Variants in LIN7A observed in about 807,000 individuals in gnomAD.
LIN7A encodes the protein protein lin-7 homolog A.
Under a neutral mutation model 29.8 loss-of-function variants are expected in LIN7A, and 25 were observed. The observed-to-expected ratio is 0.84, with a 90% CI of 0.61 to 1.17. The LOEUF is 1.17. Among genes scored for constraint, LIN7A ranks in the 50% most tolerant of loss-of-function variants. The pLI is 0.00. For synonymous variants in LIN7A, 118 were observed against 107.5 expected (o/e 1.10, Z -0.60); for missense variants, 239 against 287.0 (o/e 0.83, Z 1.21).
At chr12:80,875,643 A>G (rs1216101599) in intron 2 of LIN7A, among the ~76,000 whole-genome samples, 1 of 152,224 alleles carries the variant, frequency 6.6e-6, no homozygotes, top group South Asian at 2.1e-4. Context: ...TGATAATACA[A>G]GATTTATGAA....
chr12:80,935,833 G>T (rs932191441), intron 1 of LIN7A: 1 of 483,006 alleles, frequency 2.1e-6, no homozygotes, highest in East Asian at 5.7e-5. Flanking sequence ...GTGAACAAGA[G>T]CAAACTTTAA....
intron 5 of LIN7A, among the ~76,000 whole-genome samples, chr12:80,800,625 C>G (rs1379606764): frequency 1.3e-5 from 2 of 151,176 alleles, no homozygotes; most frequent in African/African-American, 2.4e-5. Flanking sequence ...AAGCAGGAAG[C>G]ACCCGACCCT....
At chr12:80,907,055 CTGTGTGTGTGTG>C (rs529376132) in intron 1 of LIN7A, among the ~76,000 whole-genome samples, 9 of 145,396 alleles carry the variant, frequency 6.2e-5, no homozygotes, top group Admixed American at 2.7e-4. Context: ...AGTGCGTGCT[CTGTGTGTGTGTG>C]TGTGTGTGTG....
intron 2 of LIN7A, 58 bp from the exon 3 acceptor site, chr12:80,848,380 T>C: frequency 8.1e-7 from 1 of 1,228,638 alleles, no homozygotes; most frequent in Non-Finnish European, 1.2e-6. Flanking sequence ...ATAATTCTTT[T>C]ATTGCAGAAA....
intron 2 of LIN7A, among the ~76,000 whole-genome samples, chr12:80,868,447 G>C (rs1468070761): frequency 6.6e-6 from 1 of 152,132 alleles, no homozygotes; most frequent in South Asian, 2.1e-4. Context: ...GCATGCCTGT[G>C]GTCCCAGCTA....
In LIN7A at chr12:80,854,844, G is replaced by A. The variant is rs561589560; in HGVS notation, c.202-6522C>T. ...TATTTTAAAGAGATGAAAATATTCA[G>A]AAACTTAATCATGATTTCAGAAGCT... is the stretch of plus-strand genomic sequence containing the variant. On this transcript the variant is annotated intron_variant, in intron 2 of 5. Transcript: ENST00000552864. Among the ~76,000 whole-genome samples the A allele has an allele frequency of 4.6e-5, 7 of 152,070 alleles. No individual in the cohort carries two copies. In the East Asian group the frequency reaches 1.2e-3, roughly 25 times the overall value.
intron 5 of LIN7A, among the ~76,000 whole-genome samples, chr12:80,802,188 T>C (rs1463090696): frequency 1.3e-5 from 2 of 152,136 alleles, no homozygotes; most frequent in African/African-American, 4.8e-5. Context: ...CCACCGCACC[T>C]GGCCGAGTCT....
At chr12:80,932,700 G>A (rs1335620703) in intron 1 of LIN7A, among the ~76,000 whole-genome samples, 1 of 152,212 alleles carries the variant, frequency 6.6e-6, no homozygotes, top group Non-Finnish European at 1.5e-5. Flanking sequence ...AAAATTTGAA[G>A]AGTTATTTTG....
In LIN7A at chr12:80,795,970, A is replaced by G. The variant is rs930729030; in HGVS notation, c.*1757T>C. ...TGGGAATCTGTTATCACAGGGGTGT[A>G]TTGTTGAAATTAGCAAATGTCCTAG... is the stretch of plus-strand genomic sequence containing the variant. On this transcript the variant is annotated 3_prime_UTR_variant, in exon 6 of 6. Transcript: ENST00000552864. The G allele has an allele frequency of 2.6e-5, 4 of 152,134 alleles. No homozygotes were observed. The highest frequency in any genetic ancestry group is 2.6e-4 in the Admixed American group (4 of 15,258). The allele number at this position is 152,134 out of a possible 1,614,324, so 9.4% of individuals were successfully genotyped here. A position where few individuals can be genotyped will look rare whatever the true frequency, so the allele number is the denominator to read the frequency against.
chr12:80,927,155 CTTTTTTTTTTTTTT>C (rs929026269), intron 1 of LIN7A, among the ~76,000 whole-genome samples: 2 of 75,532 alleles, frequency 2.6e-5, no homozygotes, highest in Non-Finnish European at 4.6e-5. Context: ...TTTTCTTTTT[CTTTTTTTTTTTTTT>C]TTTTTTTTTT....
intron 3 of LIN7A, among the ~76,000 whole-genome samples, chr12:80,846,678 C>A (rs1006672634): frequency 6.6e-6 from 1 of 152,004 alleles, no homozygotes; most frequent in Admixed American, 6.5e-5. Flanking sequence ...ACAAAATAGG[C>A]AATATGAAGT....
intron 4 of LIN7A, among the ~76,000 whole-genome samples, chr12:80,820,817 C>G (rs899923210): frequency 6.6e-6 from 1 of 152,222 alleles, no homozygotes; most frequent in Non-Finnish European, 1.5e-5. Context: ...CACTTACCAA[C>G]TGTGATTCAC....
chr12:80,845,055 G>A (rs747527079), intron 4 of LIN7A, among the ~76,000 whole-genome samples: 3 of 151,940 alleles, frequency 2.0e-5, no homozygotes, highest in Non-Finnish European at 4.4e-5. Context: ...TGGCTAACAT[G>A]GTGAAACCTC....
At chr12:80,905,910 A>G (rs1228433885) in intron 1 of LIN7A, among the ~76,000 whole-genome samples, 1 of 151,730 alleles carries the variant, frequency 6.6e-6, no homozygotes, top group Non-Finnish European at 1.5e-5. Flanking sequence ...TGTCTCTGGT[A>G]TTTATTTTCT....
chr12:80,857,979 T>C (rs571332710), intron 2 of LIN7A, among the ~76,000 whole-genome samples: 1 of 152,266 alleles, frequency 6.6e-6, no homozygotes, highest in African/African-American at 2.4e-5. Context: ...GACGATTAAA[T>C]GTCTCCTTGT....
intron 1 of LIN7A, among the ~76,000 whole-genome samples, chr12:80,895,621 G>T (rs917814401): frequency 1.3e-5 from 2 of 152,196 alleles, no homozygotes; most frequent in African/African-American, 4.8e-5. Context: ...TCTTTTTCCA[G>T]ACTCTACTGC....
At chr12:80,911,701 T>C (rs907699641) in intron 1 of LIN7A, among the ~76,000 whole-genome samples, 1 of 152,226 alleles carries the variant, frequency 6.6e-6, no homozygotes, top group Admixed American at 6.5e-5. Context: ...AACAAGGTTT[T>C]GAATTTATAG....
intron 2 of LIN7A, among the ~76,000 whole-genome samples, chr12:80,886,388 C>A (rs921924626): frequency 2.6e-5 from 4 of 151,886 alleles, no homozygotes; most frequent in Admixed American, 2.6e-4. Flanking sequence ...AATTGAAGAC[C>A]TTTTCACTAG....
At chr12:80,904,333 T>C (rs1413312723) in intron 1 of LIN7A, among the ~76,000 whole-genome samples, 1 of 152,164 alleles carries the variant, frequency 6.6e-6, no homozygotes, top group Non-Finnish European at 1.5e-5. Flanking sequence ...TCTACTCTCC[T>C]AGTGATTTTC....
Sources: gnomAD v4.1 joint callset for allele counts (sites outside exome capture counted in the v4.1 genomes callset) on GRCh38, gnomAD v4.1.1 for gene constraint, MANE v1.5 for transcripts, NCBI Gene and HGNC (gene_info 2026-07-23, HGNC 2026-07-21) for gene names.